TUBA1C: variants seen among roughly 807,000 people sequenced by gnomAD.
TUBA1C encodes tubulin alpha-1C chain.
A neutral mutation model predicts 34.9 loss-of-function variants in TUBA1C; 16 were observed. The ratio of observed to expected loss-of-function variants is 0.46; its 90% CI spans 0.31 to 0.70. TUBA1C has a LOEUF of 0.70. TUBA1C is among the 30% of genes least tolerant of loss of function. The probability of loss-of-function intolerance (pLI) is 0.05; values close to 1 mark genes in which losing one functional copy is unlikely to be tolerated. For synonymous variants in TUBA1C, 177 were observed against 215.9 expected, an observed-to-expected ratio of 0.82 and a Z score of 1.58; for missense variants, 329 against 587.3, an observed-to-expected ratio of 0.56 and a Z score of 4.55.
At position 49,273,212 on chromosome 12, in the gene TUBA1C, G is replaced by T. The variant is rs371067017; in HGVS notation, c.1335G>T (p.Glu445Asp). 3 of 1,614,236 alleles carry T rather than the reference G, an allele frequency of 1.9e-6. No individual in the cohort carries two copies. The highest frequency in any genetic ancestry group is 2.5e-6 in the Non-Finnish European group (3 of 1,180,048). The change falls in exon 4 of 4, where the codon GAG becomes GAT. Residue 445 changes from glutamate (E) to aspartate (D), a missense_variant. By Grantham distance (45) the Glu-to-Asp change is conservative. This residue lies in a region of TUBA1C where 34 missense variants were observed against 31.8 expected (regional missense o/e 1.07). Transcript: ENST00000301072. ...VGADSADGED[E>D]GEEY Reference sequence around the variant, plus strand: ...CAGATAGTGCTGACGGAGAGGATGAGGGTGAAGAGTATTAACCTGTGTGCT... The same window carrying T: ...CAGATAGTGCTGACGGAGAGGATGATGGTGAAGAGTATTAACCTGTGTGCT...
intron 1 of TUBA1C, among the ~76,000 whole-genome samples, chr12:49,257,299 C>CTCCA (rs988865577): frequency 5.9e-5 from 9 of 152,090 alleles, no homozygotes; most frequent in East Asian, 5.8e-4. Context: ...GCCAGGCAGC[C>CTCCA]TCCATTTCCT....
rs1403635125 is a variant in TUBA1C, at chr12:49,274,244, G to A, written c.*1017G>A. 6.7e-6 allele frequency: 1 copy of A among 149,048 alleles called. No homozygotes were observed. The highest frequency in any genetic ancestry group is 1.5e-5 in the Non-Finnish European group (1 of 67,790). 9.2% of individuals were successfully genotyped at this position (149,048 alleles called of 1,614,324 possible). A position where few individuals can be genotyped will look rare whatever the true frequency, so the allele number is the denominator to read the frequency against. On this transcript the variant is annotated 3_prime_UTR_variant, in exon 4 of 4. Transcript: ENST00000301072. ...CCCACCTCAGCCTCCCAAGTAGCCA[G>A]GACTACAGGTGTGTTCCACCATGCC...
chr12:49,263,416 T>A (rs1200943471), upstream of TUBA1C, among the ~76,000 whole-genome samples: 2 of 152,096 alleles, frequency 1.3e-5, no homozygotes, highest in African/African-American at 4.8e-5. Flanking sequence ...ACATATTCCC[T>A]AAGCATCTCG....
At chr12:49,259,744 T>C (rs1351235300) in intron 1 of TUBA1C, among the ~76,000 whole-genome samples, 1 of 152,200 alleles carries the variant, frequency 6.6e-6, no homozygotes, top group Non-Finnish European at 1.5e-5. Context: ...CACCTCTAAG[T>C]TTCCTAACTA....
chr12:49,230,716 C>T (rs1942487588), intron 1 of TUBA1C, among the ~76,000 whole-genome samples: 1 of 152,164 alleles, frequency 6.6e-6, no homozygotes, highest in African/African-American at 2.4e-5. Flanking sequence ...CTATCCCTCT[C>T]ACTTCAGATA....
intron 1 of TUBA1C, among the ~76,000 whole-genome samples, chr12:49,258,569 A>T (rs1942809890): frequency 6.6e-6 from 1 of 151,900 alleles, no homozygotes; most frequent in Non-Finnish European, 1.5e-5. Flanking sequence ...CTGGGATTAC[A>T]GGTGTGCATC....
intron 1 of TUBA1C, among the ~76,000 whole-genome samples, chr12:49,266,415 G>A (rs1161617994): frequency 1.3e-5 from 2 of 151,642 alleles, no homozygotes; most frequent in African/African-American, 4.9e-5. Context: ...GGGCGACAGA[G>A]CAAGACTCCG....
chr12:49,242,465 G>A (rs1942627278), intron 1 of TUBA1C, among the ~76,000 whole-genome samples: 1 of 151,902 alleles, frequency 6.6e-6, no homozygotes, highest in Non-Finnish European at 1.5e-5. Flanking sequence ...TGTTGTGTGT[G>A]TTTTTGTTTT....
Position 49,265,200 on chromosome 12 carries a change from T to G in TUBA1C, c.3+16T>G. The stretch of plus-strand genomic sequence containing the variant: ...TCTAGTCATGGTGAGTGGGGTTCCC[T>G]CGGGGCTGGGGAAGAGTGCGCGTCC... On this transcript the variant is annotated intron_variant, in intron 1 of 3. Coordinates refer to ENST00000301072, the MANE Select transcript of TUBA1C (RefSeq NM_032704.5). 1 of 1,596,430 alleles carries G rather than the reference T, an allele frequency of 6.3e-7. No individual in the cohort carries two copies. The highest frequency in any genetic ancestry group is 2.2e-5 in the East Asian group (1 of 44,472).
At chr12:49,228,077 A>C (rs1251112291) in exon 1 of TUBA1C, 91 of 1,535,662 alleles carry the variant, frequency 5.9e-5, no homozygotes, top group Non-Finnish European at 7.8e-5. Context: ...CTGGATTCTT[A>C]TTTACTTCAC....
upstream of TUBA1C, among the ~76,000 whole-genome samples, chr12:49,260,651 GT>G (rs1942832130): frequency 6.6e-6 from 1 of 152,166 alleles, no homozygotes; most frequent in African/African-American, 2.4e-5. Flanking sequence ...AAAATAACAT[GT>G]TACCTAGAAA....
intron 1 of TUBA1C, among the ~76,000 whole-genome samples, chr12:49,248,867 CAAA>C (rs201685193): frequency 1.6e-5 from 1 of 60,776 alleles, no homozygotes; most frequent in African/African-American, 5.1e-5. Flanking sequence ...GACTCCCTCT[CAAA>C]AAAAAAAAAA....
chr12:49,237,444 G>A (rs1345139401), intron 1 of TUBA1C, among the ~76,000 whole-genome samples: 6 of 144,428 alleles, frequency 4.2e-5, no homozygotes, highest in Non-Finnish European at 6.1e-5. Flanking sequence ...AGAAAAATAA[G>A]ATAAAAATCT....
At chr12:49,261,264 T>C (rs1241679344), upstream of TUBA1C, among the ~76,000 whole-genome samples, 7 of 152,194 alleles carry the variant, frequency 4.6e-5, no homozygotes, top group East Asian at 1.9e-4. Context: ...AAGAAGGTTG[T>C]TCAACTGCAG....
chr12:49,251,398 A>C (rs1437222511), intron 1 of TUBA1C, among the ~76,000 whole-genome samples: 1 of 152,180 alleles, frequency 6.6e-6, no homozygotes, highest in East Asian at 1.9e-4. Context: ...AAACCAGGTA[A>C]AGACACTGTA....
At chr12:49,271,424 T>G (rs1276373045) in intron 3 of TUBA1C, among the ~76,000 whole-genome samples, 3 of 152,216 alleles carry the variant, frequency 2.0e-5, no homozygotes, top group African/African-American at 7.2e-5. Context: ...GTTGTGTCAC[T>G]TTACCCAAAA....
At chr12:49,249,155 C>T (rs534063175) in intron 1 of TUBA1C, among the ~76,000 whole-genome samples, 8 of 152,076 alleles carry the variant, frequency 5.3e-5, no homozygotes, top group South Asian at 2.1e-4. Context: ...AGGCCGGGCG[C>T]GGTGGCTCAT....
intron 1 of TUBA1C, among the ~76,000 whole-genome samples, chr12:49,231,553 T>C (rs1483026600): frequency 5.3e-5 from 8 of 152,220 alleles, no homozygotes; most frequent in Non-Finnish European, 1.0e-4. Context: ...GAAACAGGGC[T>C]CTTGCCCTCA....
chr12:49,253,596 A>AAGAG (rs1942752391), intron 1 of TUBA1C, among the ~76,000 whole-genome samples: 1 of 152,032 alleles, frequency 6.6e-6, no homozygotes, highest in African/African-American at 2.4e-5. Flanking sequence ...GTGCAGTGGC[A>AAGAG]CCAACATGGC....
Sources: gnomAD v4.1 joint callset for allele counts (sites outside exome capture counted in the v4.1 genomes callset) on GRCh38, gnomAD v4.1.1 for gene constraint, gnomAD v4.1.1 regional missense constraint, MANE v1.5 for transcripts, NCBI Gene and HGNC (gene_info 2026-07-23, HGNC 2026-07-21) for gene names.